CD44: variants seen among roughly 807,000 people sequenced by gnomAD.
CD44 encodes the protein CD44 antigen.
CD44 carries 49 observed loss-of-function variants against 88.8 expected under a neutral mutation model. The observed-to-expected ratio is 0.55, with a 90% CI of 0.44 to 0.70. The LOEUF is 0.70. CD44 is among the 30% of genes least tolerant of loss of function. The probability of loss-of-function intolerance (pLI) is 0.00; values close to 1 mark genes in which losing one functional copy is unlikely to be tolerated. For missense variants in CD44, 883 were observed against 913.8 expected (o/e 0.97, Z 0.43); for synonymous variants, 325 against 312.3 (o/e 1.04, Z -0.43).
At position 35,206,215 on chromosome 11, in the gene CD44, A is replaced by G. The variant is rs149237473; in HGVS notation, c.1386A>G (p.Gly462=). Residue 462 remains glycine, a synonymous_variant, in exon 11 of 18, where the codon GGA becomes GGG. Coordinates refer to ENST00000428726, the MANE Select transcript of CD44 (RefSeq NM_000610.4). ...TCAACCCAATCTCACACCCCATGGGACGAGGTCATCAAGCAGGAAGAAGGA... is the reference window on the plus strand; with the variant it reads ...TCAACCCAATCTCACACCCCATGGGGCGAGGTCATCAAGCAGGAAGAAGGA... ...DFFNPISHPM[G]RGHQAGRRMD... 4.0e-4 allele frequency: 642 copies of G among 1,610,748 alleles called. 7 individuals are homozygous for G. The African/African-American group carries it at 7.4e-3, about 19-fold the overall frequency.
chr11:35,190,757 T>C (rs1946188526), intron 5 of CD44, among the ~76,000 whole-genome samples: 3 of 152,262 alleles, frequency 2.0e-5, no homozygotes, highest in Non-Finnish European at 4.4e-5. Flanking sequence ...AGGAAGCATA[T>C]CTGGAAGAGT....
intron 4 of CD44, among the ~76,000 whole-genome samples, chr11:35,189,286 A>G (rs1171510786): frequency 1.3e-5 from 2 of 152,226 alleles, no homozygotes; most frequent in Admixed American, 1.3e-4. Context: ...GCACAAGTGG[A>G]CAAAACTTGC....
chr11:35,219,366 A>G lies in CD44; in HGVS notation c.1924A>G (p.Ile642Val), dbSNP rs764672437. The G allele has an allele frequency of 3.1e-6, 5 of 1,613,662 alleles. No individual in the cohort carries two copies. In the Admixed American group the frequency reaches 6.7e-5, roughly 22 times the overall value. Reference sequence around the variant, plus strand: ...TGGAGCAAACACAACCTCTGGTCCTATAAGGACACCCCAAATTCCAGGTGA... The same window carrying G: ...TGGAGCAAACACAACCTCTGGTCCTGTAAGGACACCCCAAATTCCAGGTGA... Reference protein sequence around the residue: ...EGGANTTSGPIRTPQIPEWLI... With the variant: ...EGGANTTSGPVRTPQIPEWLI... Residue 642 changes from isoleucine to valine, a missense_variant, in exon 16 of 18, where the codon ATA (isoleucine) becomes GTA (valine). Around this residue, in one of 2 missense-constraint regions of CD44, gnomAD observed 631 missense variants for 590.9 expected, o/e 1.07. Transcript: ENST00000428726.
chr11:35,169,811 G>A (rs1345447753), intron 1 of CD44, among the ~76,000 whole-genome samples: 1 of 152,180 alleles, frequency 6.6e-6, no homozygotes, highest in African/African-American at 2.4e-5. Flanking sequence ...TGGCATTTGG[G>A]ATCAGTGATG....
intron 5 of CD44, among the ~76,000 whole-genome samples, chr11:35,192,789 T>C (rs1946389453): frequency 8.5e-6 from 1 of 117,938 alleles, no homozygotes; most frequent in South Asian, 2.9e-4. Flanking sequence ...AGGAATTCTT[T>C]CTTTTTTTTT....
chr11:35,206,908 C>T (rs897174729), intron 11 of CD44, among the ~76,000 whole-genome samples: 1 of 152,106 alleles, frequency 6.6e-6, no homozygotes, highest in African/African-American at 2.4e-5. Context: ...CCAAGCCAGG[C>T]AAAGATCTTC....
chr11:35,208,285 A>G, intron 12 of CD44, 79 bp downstream of exon 12: 1 of 968,670 alleles, frequency 1.0e-6, no homozygotes, highest in Non-Finnish European at 1.7e-6. Context: ...CAAGATGCAG[A>G]GCTTTGGTGG....
intron 1 of CD44, among the ~76,000 whole-genome samples, chr11:35,151,490 T>C (rs1860312589): frequency 6.6e-6 from 1 of 152,186 alleles, no homozygotes; most frequent in Admixed American, 6.5e-5. Context: ...ACTGTGGCAA[T>C]AGCAAATAGA....
intron 17 of CD44, among the ~76,000 whole-genome samples, chr11:35,227,222 G>T (rs987883456): frequency 6.6e-6 from 1 of 152,132 alleles, no homozygotes; most frequent in Non-Finnish European, 1.5e-5. Flanking sequence ...GTCTCACTCT[G>T]TCACCCAGGC....
rs1177475645 is a variant in CD44 at position 35,231,091 on chromosome 11, C to T, written c.*1758C>T. 1 of 152,964 alleles carries T rather than the reference C, an allele frequency of 6.5e-6. No individual in the cohort carries two copies. The highest frequency in any genetic ancestry group is 1.5e-5 in the Non-Finnish European group (1 of 68,192). 9.5% of individuals were successfully genotyped at this position (152,964 alleles called of 1,614,324 possible). ...CCTCTCCCCTCCCTCTCTCCCTCCA[C>T]TTCACCCCACAATCTTGAAAAACTT... On this transcript the variant is annotated 3_prime_UTR_variant, in exon 18 of 18. Coordinates refer to ENST00000428726, the MANE Select transcript of CD44 (RefSeq NM_000610.4).
At chr11:35,157,640 TTCC>T (rs1425840959) in intron 1 of CD44, among the ~76,000 whole-genome samples, 1 of 152,162 alleles carries the variant, frequency 6.6e-6, no homozygotes, top group Non-Finnish European at 1.5e-5. Flanking sequence ...CACTCCCTCC[TTCC>T]TCCTCATAGC....
At chr11:35,158,053 T>C (rs1310944511) in intron 1 of CD44, among the ~76,000 whole-genome samples, 3 of 152,196 alleles carry the variant, frequency 2.0e-5, no homozygotes, top group Non-Finnish European at 2.9e-5. Context: ...GTTCTTTGTA[T>C]TGTTTGGAAG....
At chr11:35,163,536 T>C (rs754205271) in intron 1 of CD44, among the ~76,000 whole-genome samples, 2 of 152,212 alleles carry the variant, frequency 1.3e-5, no homozygotes, top group Non-Finnish European at 2.9e-5. Flanking sequence ...TAGAGGACTA[T>C]ACTAGTCAGG....
At position 35,229,167 on chromosome 11, in the gene CD44, A is replaced by C. The variant is rs756384853; in HGVS notation, c.2063A>C (p.Asn688Thr). 3 of 1,614,086 alleles carry C rather than the reference A, an allele frequency of 1.9e-6. No homozygotes were observed. The highest frequency in any genetic ancestry group is 2.5e-6 in the Non-Finnish European group (3 of 1,179,946). ...AAAAAGCTAGTGATCAACAGTGGCA[A>C]TGGAGCTGTGGAGGACAGAAAGCCA... Reference protein sequence around the residue: ...QKKKLVINSGNGAVEDRKPSG... With the variant: ...QKKKLVINSGTGAVEDRKPSG... The change falls in exon 18 of 18, where the codon AAT (asparagine) becomes ACT (threonine). Residue 688 changes from asparagine (N) to threonine (T), a missense_variant. This residue lies in a region of CD44 where 631 missense variants were observed against 590.9 expected (regional missense o/e 1.07). Coordinates refer to ENST00000428726, the MANE Select transcript of CD44 (RefSeq NM_000610.4).
intron 2 of CD44, among the ~76,000 whole-genome samples, chr11:35,179,422 G>T (rs1331791863): frequency 6.6e-6 from 1 of 152,114 alleles, no homozygotes; most frequent in Non-Finnish European, 1.5e-5. Context: ...AAATAAGCAA[G>T]TTTTTAGCCA....
chr11:35,208,108 T>A lies in CD44; in HGVS notation c.1418T>A (p.Met473Lys). The change falls in exon 12 of 18, where the codon ATG becomes AAG. Residue 473 changes from methionine to lysine, a missense_variant. Around this residue, in one of 2 missense-constraint regions of CD44, gnomAD observed 631 missense variants for 590.9 expected, o/e 1.07. Coordinates refer to ENST00000428726, the MANE Select transcript of CD44 (RefSeq NM_000610.4). ...ACACTAATATTGATTCCTTCAGATA[T>A]GGACTCCAGTCATAGTATAACGCTT... is the stretch of plus-strand genomic sequence containing the variant. The part of the protein sequence containing the change: ...RGHQAGRRMD[M>K]DSSHSITLQP... 6.3e-7 allele frequency: 1 copy of A among 1,582,516 alleles called. No homozygotes were observed. The highest frequency in any genetic ancestry group is 8.7e-7 in the Non-Finnish European group (1 of 1,151,600).
At position 35,204,628 on chromosome 11, in the gene CD44, A is replaced by G. The variant is rs1215027565; in HGVS notation, c.1270A>G (p.Thr424Ala). The change falls in exon 10 of 18, where the codon ACA (threonine) becomes GCA (alanine). Residue 424 changes from threonine (T) to alanine (A), a missense_variant. Around this residue, in one of 2 missense-constraint regions of CD44, gnomAD observed 631 missense variants for 590.9 expected, o/e 1.07. Coordinates refer to ENST00000428726, the MANE Select transcript of CD44 (RefSeq NM_000610.4). The stretch of plus-strand genomic sequence containing the variant: ...ACCCAAAGAAGACTCCCATTCGACA[A>G]CAGGGACAGCTGGTAATGGATGGTT... ...QTPKEDSHST[T>A]GTAAASAHTS... is the part of the protein sequence containing the mutation. The G allele has an allele frequency of 1.2e-6, 2 of 1,613,122 alleles. No individual in the cohort carries two copies. The highest frequency in any genetic ancestry group is 1.7e-6 in the Non-Finnish European group (2 of 1,179,336).
At chr11:35,161,368 C>A (rs1363289052) in intron 1 of CD44, among the ~76,000 whole-genome samples, 1 of 152,070 alleles carries the variant, frequency 6.6e-6, no homozygotes, top group African/African-American at 2.4e-5. Context: ...GGACTTGGAC[C>A]CAAGTCTTTC....
At chr11:35,211,773 A>G (rs1217142794) in intron 14 of CD44, among the ~76,000 whole-genome samples, 1 of 152,004 alleles carries the variant, frequency 6.6e-6, no homozygotes, top group Admixed American at 6.6e-5. Context: ...TATGAAGTTG[A>G]ACCACATGAA....
Sources: allele counts gnomAD v4.1 joint callset (sites outside exome capture counted in the v4.1 genomes callset), GRCh38; gene constraint gnomAD v4.1.1; regional missense constraint gnomAD v4.1.1; transcripts MANE v1.5; gene names NCBI Gene and HGNC (gene_info 2026-07-23, HGNC 2026-07-21).